The following CLSTN1 variants were observed in gnomAD, a reference collection of about 807,000 sequenced individuals.
CLSTN1 encodes calsyntenin-1.
A neutral mutation model predicts 108.3 loss-of-function variants in CLSTN1; 28 were observed. The ratio of observed to expected loss-of-function variants is 0.26; its 90% CI spans 0.19 to 0.35. The LOEUF is 0.35. CLSTN1 is among the 10% of genes least tolerant of loss of function. The pLI is 1.00. For missense variants in CLSTN1, 1,157 were observed against 1,302.6 expected, an observed-to-expected ratio of 0.89 and a Z score of 1.72; for synonymous variants, 524 against 534.9, an observed-to-expected ratio of 0.98 and a Z score of 0.28.
intron 2 of CLSTN1, among the ~76,000 whole-genome samples, chr1:9,757,244 GT>G (rs774259645): frequency 1.9e-3 from 262 of 140,352 alleles, no homozygotes; most frequent in East Asian, 3.8e-3. Context: ...GGAGCAAAAG[GT>G]TTTTTTTTTT....
At chr1:9,769,567 T>C (rs555942904) in intron 2 of CLSTN1, among the ~76,000 whole-genome samples, 1 of 152,300 alleles carries the variant, frequency 6.6e-6, no homozygotes, top group South Asian at 2.1e-4. Flanking sequence ...TACATGATTA[T>C]CCAGAATAGA....
At chr1:9,745,218 G>C (rs1417934089) in intron 7 of CLSTN1, among the ~76,000 whole-genome samples, 3 of 127,302 alleles carry the variant, frequency 2.4e-5, no homozygotes, top group Admixed American at 1.8e-4. Flanking sequence ...AACAGAGCGA[G>C]ACTCCGTCTC....
At position 9,731,860 on chromosome 1, in the gene CLSTN1, C is replaced by T. The variant is rs780514489; in HGVS notation, c.2464G>A (p.Ala822Thr). 2.7e-5 allele frequency: 44 copies of T among 1,613,922 alleles called. No homozygotes were observed. The highest frequency in any genetic ancestry group is 6.7e-5 in the African/African-American group (5 of 74,872). Residue 822 changes from alanine (A) to threonine (T), a missense_variant, in exon 17 of 19, where the codon GCC becomes ACC. By Grantham distance (58) the Ala-to-Thr change is moderately conservative (BLOSUM62 0). Transcript: ENST00000377298. Reference protein sequence around the residue: ...VIHTANPMEHANHMAAQPQFV... With the variant: ...VIHTANPMEHTNHMAAQPQFV... ...TGTGGCTGGGCAGCCATGTGGTTGGCGTGTTCCATGGGGTTGGCCGTGTGG... is the reference window on the plus strand; with the variant it reads ...TGTGGCTGGGCAGCCATGTGGTTGGTGTGTTCCATGGGGTTGGCCGTGTGG...
At chr1:9,777,119 C>G (rs982986348) in intron 1 of CLSTN1, among the ~76,000 whole-genome samples, 14 of 150,364 alleles carry the variant, frequency 9.3e-5, no homozygotes, top group Non-Finnish European at 1.8e-4. Flanking sequence ...TCTCGGGCGG[C>G]TGAGGCAGGA....
rs756907282 is a variant in CLSTN1 at position 9,744,462 on chromosome 1, C to A, written c.1167G>T (p.Ser389=). ...CGAATGGCCCATGTCTCATCCACAC[C>A]GAGATGGTGAACGGCTCTTTGGGGC... is the stretch of plus-strand genomic sequence containing the variant. ...SVSPKEPFTI[S]VWMRHGPFGR... The change falls in exon 8 of 19, where the codon TCG becomes TCT. Residue 389 remains serine, a synonymous_variant. Coordinates refer to ENST00000377298, the MANE Select transcript of CLSTN1 (RefSeq NM_001009566.3). 6.2e-7 allele frequency: 1 copy of A among 1,611,042 alleles called. No individual in the cohort carries two copies. Among genetic ancestry groups the A allele is most frequent in the African/African-American group, 1.3e-5 (1 of 75,008 alleles).
chr1:9,756,458 G>A (rs754954399), intron 3 of CLSTN1, 23 bp downstream of exon 3: 36 of 1,604,366 alleles, frequency 2.2e-5, no homozygotes, highest in Non-Finnish European at 3.1e-5. Context: ...TTCATAAGAG[G>A]GGAAGAAAGA....
At chr1:9,768,560 T>C (rs1174998083) in intron 2 of CLSTN1, among the ~76,000 whole-genome samples, 13 of 45,184 alleles carry the variant, frequency 2.9e-4, no homozygotes, top group South Asian at 9.1e-4. Flanking sequence ...CTGTGCTGGG[T>C]GGCACCATGG....
chr1:9,758,680 A>G (rs1231648739), intron 2 of CLSTN1, among the ~76,000 whole-genome samples: 1 of 152,202 alleles, frequency 6.6e-6, no homozygotes, highest in Non-Finnish European at 1.5e-5. Flanking sequence ...ATAGGTAGCT[A>G]TAGTTTATTC....
chr1:9,770,477 T>TC (rs1429629275), intron 2 of CLSTN1, among the ~76,000 whole-genome samples: 6 of 152,242 alleles, frequency 3.9e-5, no homozygotes, highest in Non-Finnish European at 8.8e-5. Context: ...AGCTACGTCA[T>TC]CGTAGCAGGC....
intron 1 of CLSTN1, among the ~76,000 whole-genome samples, chr1:9,802,047 T>G (rs765824609): frequency 1.4e-4 from 21 of 152,180 alleles, no homozygotes; most frequent in Non-Finnish European, 2.1e-4. Context: ...GAGAGGGGTA[T>G]TATTATCATC....
At chr1:9,743,571 G>A (rs1651088064) in intron 9 of CLSTN1, among the ~76,000 whole-genome samples, 1 of 152,004 alleles carries the variant, frequency 6.6e-6, no homozygotes, top group African/African-American at 2.4e-5. Flanking sequence ...CTTTGGAGAC[G>A]GGGTCTCACT....
intron 2 of CLSTN1, among the ~76,000 whole-genome samples, chr1:9,760,240 C>T (rs948063743): frequency 6.6e-6 from 1 of 152,174 alleles, no homozygotes; most frequent in Admixed American, 6.5e-5. Context: ...TATTCAATTG[C>T]TAGTCAGGCT....
intron 1 of CLSTN1, among the ~76,000 whole-genome samples, chr1:9,808,664 G>A (rs1414649718): frequency 6.6e-6 from 1 of 152,008 alleles, no homozygotes; most frequent in East Asian, 1.9e-4. Context: ...ACCCAGGCCT[G>A]GGGACAGACT....
intron 1 of CLSTN1, among the ~76,000 whole-genome samples, chr1:9,806,769 C>T: frequency 6.6e-6 from 1 of 151,970 alleles, no homozygotes; most frequent in East Asian, 1.9e-4. Context: ...GTCCCAGCTA[C>T]TCGGGAGGCT....
At chr1:9,769,817 C>T (rs1425349750) in intron 2 of CLSTN1, among the ~76,000 whole-genome samples, 1 of 151,900 alleles carries the variant, frequency 6.6e-6, no homozygotes, top group East Asian at 1.9e-4. Context: ...CCGAGGCAGG[C>T]AGATCACGAG....
intron 1 of CLSTN1, among the ~76,000 whole-genome samples, chr1:9,791,494 A>G (rs187091288): frequency 3.4e-4 from 52 of 151,570 alleles, no homozygotes; most frequent in Middle Eastern, 3.4e-3. Flanking sequence ...TTGGCCTCCC[A>G]AAGAGCTGGG....
intron 16 of CLSTN1, among the ~76,000 whole-genome samples, 179 bp from the exon 17 acceptor site, chr1:9,732,075 AAAACAAAAACAAAGAAAAAG>A (rs1306626436): frequency 6.6e-6 from 1 of 152,232 alleles, no homozygotes; most frequent in Admixed American, 6.5e-5. Flanking sequence ...AAGCACTTAA[AAAACAAAAACAAAGAAAAAG>A]AAACAAAAAC....
chr1:9,804,719 C>A (rs1654433352), intron 1 of CLSTN1, among the ~76,000 whole-genome samples: 1 of 152,120 alleles, frequency 6.6e-6, no homozygotes, highest in Non-Finnish European at 1.5e-5. Flanking sequence ...GTAGTCCCAG[C>A]TATTCAGGAA....
intron 2 of CLSTN1, among the ~76,000 whole-genome samples, chr1:9,761,484 G>A (rs939664708): frequency 3.3e-5 from 5 of 152,064 alleles, no homozygotes; most frequent in African/African-American, 9.7e-5. Context: ...TCTGGGCGAC[G>A]GAGTGAGACC....
Sources: gnomAD v4.1 joint callset for allele counts (sites outside exome capture counted in the v4.1 genomes callset) on GRCh38, gnomAD v4.1.1 for gene constraint, MANE v1.5 for transcripts, NCBI Gene and HGNC (gene_info 2026-07-23, HGNC 2026-07-21) for gene names.